SPAG6: variants seen among roughly 807,000 people sequenced by gnomAD.
The protein encoded by SPAG6 is sperm-associated antigen 6.
SPAG6 carries 49 observed loss-of-function variants against 58.5 expected under a neutral mutation model. That is an observed-to-expected ratio of 0.84 (90% CI 0.67 to 1.06). The LOEUF is 1.06. Ranked by LOEUF, SPAG6 falls within the 50% of genes least tolerant of loss-of-function variation. SPAG6 has a pLI of 0.00. For missense variants in SPAG6, 560 were observed against 611.3 expected (o/e 0.92, Z 0.89); for synonymous variants, 233 against 225.6 (o/e 1.03, Z -0.29).
intron 4 of SPAG6, among the ~76,000 whole-genome samples, chr10:22,374,547 C>G (rs12254277): frequency 0.048 from 7,099 of 147,116 alleles, 560 homozygotes; most frequent in African/African-American, 0.17. Flanking sequence ...GTGGGAGGAT[C>G]ACTTGAGCCC....
At chr10:22,369,683 G>T (rs1228036448) in intron 4 of SPAG6, among the ~76,000 whole-genome samples, 1 of 152,128 alleles carries the variant, frequency 6.6e-6, no homozygotes, top group Admixed American at 6.6e-5. Flanking sequence ...ACTAATAGTG[G>T]TTACATCAGA....
At chr10:22,398,922 G>A (rs1285209534) in intron 8 of SPAG6, among the ~76,000 whole-genome samples, 2 of 151,944 alleles carry the variant, frequency 1.3e-5, no homozygotes, top group Non-Finnish European at 2.9e-5. Flanking sequence ...GGGTTCAAGC[G>A]ATTCTCCTGC....
chr10:22,362,771 C>T (rs1424089809), intron 2 of SPAG6, among the ~76,000 whole-genome samples: 6 of 151,772 alleles, frequency 4.0e-5, no homozygotes, highest in East Asian at 1.9e-4. Context: ...TAATGCTCGA[C>T]GATAATGACA....
intron 10 of SPAG6, among the ~76,000 whole-genome samples, chr10:22,413,724 C>T (rs559069670): frequency 8.5e-5 from 12 of 140,402 alleles, no homozygotes; most frequent in Non-Finnish European, 1.0e-4. Context: ...CCACACAGGG[C>T]AAGTAGGAAA....
intron 2 of SPAG6, among the ~76,000 whole-genome samples, chr10:22,349,287 T>C (rs901413882): frequency 6.6e-5 from 10 of 152,124 alleles, no homozygotes; most frequent in African/African-American, 2.4e-4. Context: ...AATTAAAAAG[T>C]TTAATGTCTG....
chr10:22,361,522 C>T (rs923310765), intron 2 of SPAG6: 1 of 152,084 alleles, frequency 6.6e-6, no homozygotes, highest in African/African-American at 2.4e-5. Context: ...ATGGGGAAAC[C>T]TCATCTCTAC....
At position 22,345,594 on chromosome 10, in the gene SPAG6, G is replaced by C; in HGVS notation, c.-18G>C. Reference sequence around the variant, plus strand: ...TTCCCCGCAGAGCTCGAGGAGGGCAGACGGCGGCGGGGGCGCCATGAGTCA... The same window carrying C: ...TTCCCCGCAGAGCTCGAGGAGGGCACACGGCGGCGGGGGCGCCATGAGTCA... On this transcript the variant is annotated 5_prime_UTR_variant, in exon 1 of 11. Transcript: ENST00000376624. The surrounding 1 kb of genome is among the most constrained non-coding windows in gnomAD (Gnocchi z 6.3). 1 of 1,529,460 alleles carries C rather than the reference G, an allele frequency of 6.5e-7. No individual in the cohort carries two copies. Among genetic ancestry groups the C allele is most frequent in the Non-Finnish European group, 8.8e-7 (1 of 1,139,754 alleles). 94.7% of individuals were successfully genotyped at this position (1,529,460 alleles called of 1,614,324 possible).
intron 4 of SPAG6, among the ~76,000 whole-genome samples, chr10:22,370,024 A>G (rs1409949082): frequency 5.3e-5 from 8 of 152,232 alleles, no homozygotes; most frequent in Admixed American, 5.2e-4. Flanking sequence ...AATTTAGTGG[A>G]TAAATTATGG....
intron 8 of SPAG6, among the ~76,000 whole-genome samples, chr10:22,400,781 C>T (rs563080545): frequency 8.6e-4 from 131 of 152,084 alleles, no homozygotes; most frequent in African/African-American, 3.0e-3. Flanking sequence ...ATTATTTTCT[C>T]GTATTTGTTG....
chr10:22,416,557 A>G (rs1588572217), intron 10 of SPAG6, 62 bp from the exon 11 acceptor site: 1 of 980,728 alleles, frequency 1.0e-6, no homozygotes, highest in Non-Finnish European at 1.6e-6. Flanking sequence ...CCTATATTGA[A>G]TCTTATGTGC....
chr10:22,392,898 A>G (rs1834213879), intron 8 of SPAG6, among the ~76,000 whole-genome samples: 1 of 152,102 alleles, frequency 6.6e-6, no homozygotes, highest in Non-Finnish European at 1.5e-5. Flanking sequence ...CTACTAATGC[A>G]TTGAGAGAAA....
intron 4 of SPAG6, among the ~76,000 whole-genome samples, chr10:22,374,725 A>G (rs186215743): frequency 2.0e-5 from 3 of 152,016 alleles, no homozygotes; most frequent in African/African-American, 4.8e-5. Context: ...GCAGTGAGCT[A>G]TGATTGTGCC....
chr10:22,411,149 A>T lies in SPAG6; in HGVS notation c.1433A>T (p.Asn478Ile). 1 of 1,612,692 alleles carries T rather than the reference A, an allele frequency of 6.2e-7. No individual in the cohort carries two copies. ...SLLQEYINSI[N>I]SCYPEEIVRY... ...CTTCAAGAATACATCAACAGTATTA[A>T]CAGTTGTTACCCCGAGGAAATAGTG... The change falls in exon 10 of 11, where the codon AAC becomes ATC. Residue 478 changes from asparagine to isoleucine, a missense_variant. Asn to Ile is a moderately radical substitution (Grantham distance 149). Transcript: ENST00000376624.
intron 4 of SPAG6, among the ~76,000 whole-genome samples, chr10:22,375,779 G>A (rs542763623): frequency 1.5e-4 from 23 of 151,912 alleles, no homozygotes; most frequent in African/African-American, 5.5e-4. Context: ...GGGTTTCACC[G>A]TGTTGACCAG....
intron 4 of SPAG6, among the ~76,000 whole-genome samples, chr10:22,385,516 A>G (rs761716754): frequency 2.0e-4 from 31 of 152,230 alleles, no homozygotes; most frequent in Admixed American, 4.6e-4. Flanking sequence ...GGTAATTTGC[A>G]GAAGTGTGTC....
intron 4 of SPAG6, among the ~76,000 whole-genome samples, chr10:22,379,458 T>C (rs1047117572): frequency 1.3e-4 from 20 of 152,236 alleles, no homozygotes; most frequent in African/African-American, 4.6e-4. Context: ...TTTGAATCAC[T>C]TGGGTCCTCT....
chr10:22,345,753 A>T lies in SPAG6; in HGVS notation c.56A>T (p.Gln19Leu). 3 of 1,613,606 alleles carry T rather than the reference A, an allele frequency of 1.9e-6. No individual in the cohort carries two copies. The highest frequency in any genetic ancestry group is 2.5e-6 in the Non-Finnish European group (3 of 1,179,794). Residue 19 changes from glutamine to leucine, a missense_variant, in exon 2 of 11, where the codon CAG (glutamine) becomes CTG (leucine). Physicochemically the swap from Gln to Leu is moderately radical, Grantham distance 113 (BLOSUM62 -2). Coordinates refer to ENST00000376624, the MANE Select transcript of SPAG6 (RefSeq NM_012443.4). This position sits in a 1 kb window ranked among gnomAD's most constrained non-coding sequence, Gnocchi z 6.3. ...GAGCAATACCAGAAGGCCAGGACCC[A>T]GTTCGTGCAGATGGTGGCGGAGCTG... ...VFEQYQKART[Q>L]FVQMVAELAT... is the part of the protein sequence containing the mutation.
chr10:22,389,352 A>C, intron 7 of SPAG6, 40 bp downstream of exon 7: 4 of 1,586,984 alleles, frequency 2.5e-6, no homozygotes, highest in Non-Finnish European at 3.5e-6. Flanking sequence ...GCAGTAAGAA[A>C]TTCTAAGACA....
At chr10:22,373,705 C>T (rs906125134) in intron 4 of SPAG6, among the ~76,000 whole-genome samples, 2 of 152,154 alleles carry the variant, frequency 1.3e-5, no homozygotes, top group Admixed American at 1.3e-4. Context: ...CCAGTAACAT[C>T]TTTTGCTTCT....
Sources: gnomAD v4.1 joint callset for allele counts (sites outside exome capture counted in the v4.1 genomes callset) on GRCh38, gnomAD v4.1.1 for gene constraint, Gnocchi (gnomAD v3.1) non-coding constraint, MANE v1.5 for transcripts, NCBI Gene and HGNC (gene_info 2026-07-23, HGNC 2026-07-21) for gene names.